The following AKAP12 variants were observed in gnomAD, a reference collection of about 807,000 sequenced individuals.
AKAP12 encodes A-kinase anchoring protein 12, also known as A-kinase anchor protein 12.
A neutral mutation model predicts 79.9 loss-of-function variants in AKAP12; 32 were observed. That is an observed-to-expected ratio of 0.40 (90% CI 0.30 to 0.54). The LOEUF is 0.54. AKAP12 is among the 20% of genes least tolerant of loss of function. AKAP12 has a pLI of 0.48. For synonymous variants in AKAP12, 808 were observed against 857.0 expected (o/e 0.94, Z 1.00); for missense variants, 2,074 against 2,177.0 (o/e 0.95, Z 0.94).
chr6:151,252,837 T>C (rs989592087), intron 2 of AKAP12, among the ~76,000 whole-genome samples: 14 of 151,716 alleles, frequency 9.2e-5, no homozygotes, highest in Non-Finnish European at 1.6e-4. Context: ...GACTGTTCTA[T>C]CCCAGCATGG....
intron 2 of AKAP12, among the ~76,000 whole-genome samples, chr6:151,270,868 T>C (rs1776166686): frequency 6.6e-6 from 1 of 152,174 alleles, no homozygotes; most frequent in Non-Finnish European, 1.5e-5. Context: ...ACTTCTGAAA[T>C]GAATGTGTAT....
intron 3 of AKAP12, 125 bp from the exon 4 acceptor site, chr6:151,348,586 C>A: frequency 1.4e-6 from 1 of 711,858 alleles, no homozygotes; most frequent in Non-Finnish European, 2.3e-6. Flanking sequence ...CTGCAGTGAG[C>A]CGAGACCACA....
At chr6:151,251,092 G>GT (rs1311087200) in intron 2 of AKAP12, among the ~76,000 whole-genome samples, 1 of 152,142 alleles carries the variant, frequency 6.6e-6, no homozygotes, top group African/African-American at 2.4e-5. Flanking sequence ...TAGTACTACT[G>GT]TAAAAAAAAG....
intron 2 of AKAP12, among the ~76,000 whole-genome samples, chr6:151,289,253 A>C (rs1297112525): frequency 6.6e-6 from 1 of 152,216 alleles, no homozygotes; most frequent in Non-Finnish European, 1.5e-5. Flanking sequence ...GGGGAAATTC[A>C]AACTGATACT....
rs79490285 is a variant in AKAP12, at chr6:151,352,936, C to T, written c.4545C>T (p.Val1515=). 1.0e-3 allele frequency: 1,651 copies of T among 1,613,264 alleles called. 25 individuals carry two copies. The East Asian group carries it at 0.032, about 31-fold the overall frequency. Residue 1515 remains valine, a synonymous_variant, in exon 4 of 5, where the codon GTC becomes GTT. Coordinates refer to ENST00000402676, the MANE Select transcript of AKAP12 (RefSeq NM_005100.4). ...TTSLKWKSDE[V]DEQVACQEVK... ...CACTGAAGTGGAAGTCAGATGAAGT[C>T]GATGAGCAGGTTGCTTGCCAGGAGG...
rs1277791524 is a variant in AKAP12, at chr6:151,240,552, G to A, written c.-11G>A. On this transcript the variant is annotated 5_prime_UTR_variant, in exon 2 of 5. Transcript: ENST00000402676. The stretch of plus-strand genomic sequence containing the variant: ...CCCGGCGGCTAGGCGCGGGAGAAGT[G>A]CGGAGGAGCCATGGGCGCCGGGAGC... The A allele has an allele frequency of 1.4e-6, 2 of 1,440,378 alleles. No individual in the cohort carries two copies. The highest frequency in any genetic ancestry group is 3.0e-5 in the East Asian group (1 of 32,816). The allele number at this position is 1,440,378 out of a possible 1,614,324, so 89.2% of individuals were successfully genotyped here.
intron 3 of AKAP12, among the ~76,000 whole-genome samples, chr6:151,308,493 G>A (rs148507438): frequency 1.6e-3 from 243 of 152,020 alleles, no homozygotes; most frequent in African/African-American, 5.6e-3. Context: ...AATTACAGAC[G>A]TGAGCCACCG....
chr6:151,357,431 T>C lies in AKAP12; in HGVS notation c.*1717T>C, dbSNP rs1292985412. The C allele has an allele frequency of 6.6e-6, 1 of 152,324 alleles. No homozygotes were observed. The highest frequency in any genetic ancestry group is 2.1e-4 in the South Asian group (1 of 4,828). The allele number at this position is 152,324 out of a possible 1,614,324, so 9.4% of individuals were successfully genotyped here. ...TTTTACTCAAACTTGGTACTCCAGT[T>C]TGAAAATTTAAATTTTGACTGCTGA... On this transcript the variant is annotated 3_prime_UTR_variant, in exon 5 of 5. Coordinates refer to ENST00000402676, the MANE Select transcript of AKAP12 (RefSeq NM_005100.4).
chr6:151,358,320 C>T lies in AKAP12; in HGVS notation c.*2606C>T, dbSNP rs542295629. On this transcript the variant is annotated 3_prime_UTR_variant, in exon 5 of 5. Transcript: ENST00000402676. Reference sequence around the variant, plus strand: ...AAATGTTCCCCCTCAGGTTATTTTGCTTATGGTACCCATGAGTTGCCTCTC... The same window carrying T: ...AAATGTTCCCCCTCAGGTTATTTTGTTTATGGTACCCATGAGTTGCCTCTC... 2 of 152,292 alleles carry T rather than the reference C, an allele frequency of 1.3e-5. No individual in the cohort carries two copies. The highest frequency in any genetic ancestry group is 3.9e-4 in the East Asian group (2 of 5,180). 9.4% of individuals were successfully genotyped at this position (152,292 alleles called of 1,614,324 possible). A position where few individuals can be genotyped will look rare whatever the true frequency, so the allele number is the denominator to read the frequency against.
chr6:151,271,671 A>G, intron 2 of AKAP12, among the ~76,000 whole-genome samples: 1 of 150,282 alleles, frequency 6.7e-6, no homozygotes, highest in East Asian at 2.0e-4. Context: ...TTATTTGTGT[A>G]TTTTTGAGAC....
At chr6:151,272,358 A>AAC (rs1178926177) in intron 2 of AKAP12, among the ~76,000 whole-genome samples, 1 of 150,314 alleles carries the variant, frequency 6.7e-6, no homozygotes, top group Non-Finnish European at 1.5e-5. Context: ...AAAAAAAAAA[A>AAC]ACAAAAAAAA....
chr6:151,301,713 C>A (rs1776865923), intron 2 of AKAP12, among the ~76,000 whole-genome samples: 1 of 152,138 alleles, frequency 6.6e-6, no homozygotes, highest in Admixed American at 6.5e-5. Context: ...TGAGACATCA[C>A]CCTTGAGGTC....
chr6:151,272,344 C>CAAAAA (rs369696858), intron 2 of AKAP12, among the ~76,000 whole-genome samples: 2 of 95,290 alleles, frequency 2.1e-5, no homozygotes, highest in African/African-American at 8.6e-5. Context: ...GACCCTGTTT[C>CAAAAA]AAAAAAAAAA....
chr6:151,286,468 C>G (rs111894912), intron 2 of AKAP12, among the ~76,000 whole-genome samples: 4 of 152,304 alleles, frequency 2.6e-5, no homozygotes, highest in African/African-American at 9.6e-5. Flanking sequence ...AAGCGCCAAC[C>G]CTCGCTGGAT....
At chr6:151,355,039 C>T (rs867020624) in intron 4 of AKAP12, among the ~76,000 whole-genome samples, 4 of 151,836 alleles carry the variant, frequency 2.6e-5, no homozygotes, top group Non-Finnish European at 4.4e-5. Context: ...TCTGTCACCC[C>T]GACTGGAGTG....
intron 2 of AKAP12, among the ~76,000 whole-genome samples, chr6:151,266,896 G>A (rs1419403562): frequency 6.6e-6 from 1 of 151,150 alleles, no homozygotes; most frequent in Non-Finnish European, 1.5e-5. Context: ...GCTGAAGGTT[G>A]AAAGGAGATA....
intron 2 of AKAP12, among the ~76,000 whole-genome samples, chr6:151,268,440 G>A (rs967332197): frequency 6.6e-6 from 1 of 152,068 alleles, no homozygotes; most frequent in African/African-American, 2.4e-5. Context: ...CAAAAAAATA[G>A]TGTGACTATA....
chr6:151,252,782 C>T (rs1015822369), intron 2 of AKAP12, among the ~76,000 whole-genome samples: 8 of 151,152 alleles, frequency 5.3e-5, no homozygotes, highest in African/African-American at 1.2e-4. Context: ...AAAGAGATGC[C>T]GCCGGATGAG....
chr6:151,299,904 T>C (rs553546264), intron 2 of AKAP12, among the ~76,000 whole-genome samples: 2 of 152,212 alleles, frequency 1.3e-5, no homozygotes, highest in South Asian at 2.1e-4. Context: ...GCTGGAATTA[T>C]AGGCATGAGG....
Sources: allele counts gnomAD v4.1 joint callset (sites outside exome capture counted in the v4.1 genomes callset), GRCh38; gene constraint gnomAD v4.1.1; transcripts MANE v1.5; gene names NCBI Gene and HGNC (gene_info 2026-07-23, HGNC 2026-07-21).